Variants in PREX2 observed in about 807,000 individuals in gnomAD.
PREX2 encodes the protein phosphatidylinositol-3,4,5-trisphosphate dependent Rac exchange factor 2, also known as phosphatidylinositol 3,4,5-trisphosphate-dependent Rac exchanger 2 protein.
In PREX2, 107 loss-of-function variants were observed where a neutral mutation model predicts 203.2. That is an observed-to-expected ratio of 0.53 (90% CI 0.45 to 0.62). The LOEUF (loss-of-function observed/expected upper bound fraction) is 0.62. Ranked by LOEUF, PREX2 falls within the 20% of genes least tolerant of loss-of-function variation. The pLI, the probability that PREX2 is intolerant of heterozygous loss-of-function variation, is 0.00. For missense variants in PREX2, 1,777 were observed against 1,955.9 expected, an observed-to-expected ratio of 0.91 and a Z score of 1.72; for synonymous variants, 672 against 663.6, an observed-to-expected ratio of 1.01 and a Z score of -0.19.
At chr8:68,206,844 T>C (rs1412558207) in intron 37 of PREX2, among the ~76,000 whole-genome samples, 1 of 152,150 alleles carries the variant, frequency 6.6e-6, no homozygotes, top group Non-Finnish European at 1.5e-5. Flanking sequence ...GTCTTGACAG[T>C]GGAGCCGCAT....
chr8:68,222,051 T>TCA (rs978196797), intron 38 of PREX2, among the ~76,000 whole-genome samples: 2 of 152,178 alleles, frequency 1.3e-5, no homozygotes, highest in African/African-American at 4.8e-5. Context: ...TGGATTGAAA[T>TCA]CACATGTATC....
chr8:67,952,434 G>A lies in PREX2; in HGVS notation c.40G>A (p.Ala14Thr), dbSNP rs1179246544. The A allele has an allele frequency of 4.4e-6, 7 of 1,585,454 alleles. No individual in the cohort carries two copies. The highest frequency in any genetic ancestry group is 3.6e-5 in the Admixed American group (2 of 56,232). ...CCGCGGAGACAGCCGCGCCGAGAGCGCCAAGGACCTGGAGAAGCAGCTTCG... is the reference window on the plus strand; with the variant it reads ...CCGCGGAGACAGCCGCGCCGAGAGCACCAAGGACCTGGAGAAGCAGCTTCG... ...DSRGDSRAES[A>T]KDLEKQLRLR... The change falls in exon 1 of 40, where the codon GCC becomes ACC. Residue 14 changes from alanine to threonine, a missense_variant. Transcript: ENST00000288368.
At chr8:67,993,912 G>A (rs1388080597) in intron 1 of PREX2, among the ~76,000 whole-genome samples, 6 of 152,122 alleles carry the variant, frequency 3.9e-5, no homozygotes, top group Non-Finnish European at 7.3e-5. Flanking sequence ...TCTAGGATTC[G>A]AAGGATAGGT....
In PREX2 at chr8:68,123,647, C is replaced by T. The variant is rs151231781; in HGVS notation, c.3724+2598C>T. ...CTATGGACACCTCTATGCACATAAA[C>T]TACAAAATCTAAAAGAAATGGATAA... On this transcript the variant is annotated intron_variant, in intron 30 of 39. Transcript: ENST00000288368. Among the ~76,000 whole-genome samples the T allele has an allele frequency of 4.8e-3, 729 of 152,002 alleles. 3 individuals are homozygous for T. Among genetic ancestry groups the T allele is most frequent in the Non-Finnish European group, 6.7e-3 (452 of 67,918 alleles).
At chr8:68,110,866 G>T (rs1810520155) in intron 25 of PREX2, 2 of 324,056 alleles carry the variant, frequency 6.2e-6, no homozygotes, top group Non-Finnish European at 1.2e-5. Context: ...TTAGAATTAA[G>T]ATTTTGTTTT....
At chr8:68,197,727 A>G (rs1400021946) in intron 37 of PREX2, among the ~76,000 whole-genome samples, 1 of 148,314 alleles carries the variant, frequency 6.7e-6, no homozygotes, top group Non-Finnish European at 1.5e-5. Context: ...TCTATGCTAT[A>G]TATACATAAT....
intron 1 of PREX2, among the ~76,000 whole-genome samples, chr8:67,975,877 T>A (rs1806067836): frequency 6.7e-6 from 1 of 150,138 alleles, no homozygotes; most frequent in Non-Finnish European, 1.5e-5. Context: ...CTAATTTTTT[T>A]TTTTTTTTTT....
chr8:68,099,546 C>A, intron 22 of PREX2, 136 bp from the exon 23 acceptor site: 1 of 767,264 alleles, frequency 1.3e-6, no homozygotes, highest in Non-Finnish European at 2.1e-6. Context: ...AGGAAAGTTG[C>A]CCTGTATTGT....
chr8:68,072,904 A>C (rs6986472), intron 14 of PREX2, among the ~76,000 whole-genome samples: 79,497 of 151,810 alleles, frequency 0.52, 20,867 homozygotes, highest in South Asian at 0.56. Flanking sequence ...GTTTTAAAGT[A>C]TCTGTTTATT....
At chr8:68,038,711 C>A (rs149346240) in intron 7 of PREX2, among the ~76,000 whole-genome samples, 139 of 152,236 alleles carry the variant, frequency 9.1e-4, no homozygotes, top group African/African-American at 2.7e-3. Context: ...ACTACCTTTC[C>A]CTCATCTCCC....
chr8:68,192,701 T>C, intron 37 of PREX2, 176 bp downstream of exon 37: 1 of 489,424 alleles, frequency 2.0e-6, no homozygotes, highest in Non-Finnish European at 3.4e-6. Context: ...AGTGACTATT[T>C]AGTCATACAC....
At chr8:67,979,789 T>C (rs1338698889) in intron 1 of PREX2, among the ~76,000 whole-genome samples, 1 of 152,264 alleles carries the variant, frequency 6.6e-6, no homozygotes, top group Non-Finnish European at 1.5e-5. Flanking sequence ...AAAAAAATAC[T>C]ATGATGTCTT....
At chr8:68,064,458 T>C (rs754574356) in intron 11 of PREX2, among the ~76,000 whole-genome samples, 4 of 152,060 alleles carry the variant, frequency 2.6e-5, no homozygotes, top group Non-Finnish European at 5.9e-5. Flanking sequence ...AGCTTCAACC[T>C]CCTGGGCTCA....
intron 1 of PREX2, among the ~76,000 whole-genome samples, chr8:67,953,746 A>G (rs933890620): frequency 3.9e-5 from 6 of 152,202 alleles, no homozygotes; most frequent in African/African-American, 1.4e-4. Context: ...CTCAAAATCA[A>G]TATACTTGAC....
At chr8:67,996,132 C>T (rs1806757144) in intron 1 of PREX2, among the ~76,000 whole-genome samples, 1 of 152,024 alleles carries the variant, frequency 6.6e-6, no homozygotes, top group Non-Finnish European at 1.5e-5. Context: ...TTCTTTATCT[C>T]TGTTATGTCC....
At chr8:68,051,265 A>G (rs1161263557) in intron 8 of PREX2, among the ~76,000 whole-genome samples, 1 of 152,080 alleles carries the variant, frequency 6.6e-6, no homozygotes, top group African/African-American at 2.4e-5. Flanking sequence ...TTCATTTTAG[A>G]GTAAGTCCAG....
chr8:68,098,281 T>G (rs1425571732), intron 22 of PREX2, among the ~76,000 whole-genome samples: 1 of 152,210 alleles, frequency 6.6e-6, no homozygotes, highest in Non-Finnish European at 1.5e-5. Context: ...TGAATTGTTG[T>G]TTAAAATATG....
At chr8:68,063,870 A>C (rs4557688) in intron 11 of PREX2, among the ~76,000 whole-genome samples, 105,737 of 152,052 alleles carry the variant, frequency 0.7, 36,830 homozygotes, top group East Asian at 0.76. Flanking sequence ...AAGAGGTATG[A>C]GCCAAATGTG....
chr8:68,087,686 C>A, intron 18 of PREX2, 38 bp from the exon 19 acceptor site: 2 of 1,438,454 alleles, frequency 1.4e-6, no homozygotes, highest in Non-Finnish European at 2.0e-6. Context: ...AGTTTTGATT[C>A]TTACGCTTCA....
Sources: gnomAD v4.1 joint callset for allele counts (sites outside exome capture counted in the v4.1 genomes callset) on GRCh38, gnomAD v4.1.1 for gene constraint, MANE v1.5 for transcripts, NCBI Gene and HGNC (gene_info 2026-07-23, HGNC 2026-07-21) for gene names.